The following SYNE1 variants were observed in gnomAD, a reference collection of about 807,000 sequenced individuals.
The protein encoded by SYNE1 is spectrin repeat containing nuclear envelope protein 1, also known as nesprin-1.
SYNE1 carries 616 observed loss-of-function variants against 1,111.0 expected under a neutral mutation model. That is an observed-to-expected ratio of 0.55 (90% confidence interval 0.52 to 0.59). The LOEUF (loss-of-function observed/expected upper bound fraction) is 0.59. SYNE1 is among the 20% of genes least tolerant of loss of function. SYNE1 has a pLI of 0.00. For missense variants in SYNE1, 10,006 were observed against 10,417.0 expected (o/e 0.96, Z 1.72); for synonymous variants, 3,855 against 3,825.8 (o/e 1.01, Z -0.28).
At chr6:152,179,649 C>T (rs2067384913) in intron 129 of SYNE1, among the ~76,000 whole-genome samples, 3 of 81,144 alleles carry the variant, frequency 3.7e-5, no homozygotes, top group Non-Finnish European at 4.8e-5. Flanking sequence ...CCTTTTTATG[C>T]AAGTTTATTT....
At chr6:152,597,492 C>T (rs1445640292) in intron 3 of SYNE1, among the ~76,000 whole-genome samples, 1 of 151,970 alleles carries the variant, frequency 6.6e-6, no homozygotes, top group Non-Finnish European at 1.5e-5. Context: ...TCACTATGTT[C>T]CCCAGGCTGG....
intron 100 of SYNE1, among the ~76,000 whole-genome samples, chr6:152,265,648 C>T (rs944666624): frequency 9.9e-5 from 15 of 152,258 alleles, no homozygotes; most frequent in African/African-American, 2.4e-4. Flanking sequence ...CATTGACACA[C>T]GTACAACACC....
chr6:152,139,922 C>A, intron 140 of SYNE1, 28 bp downstream of exon 140: 2 of 1,602,460 alleles, frequency 1.2e-6, no homozygotes, highest in Non-Finnish European at 1.7e-6. Context: ...TCTGTTTGTC[C>A]GCCGTGGGAA....
In SYNE1 at chr6:152,510,376, T is replaced by C; in HGVS notation, c.403-5A>G. 6.2e-7 allele frequency: 1 copy of C among 1,613,722 alleles called. No homozygotes were observed. The highest frequency in any genetic ancestry group is 2.2e-5 in the East Asian group (1 of 44,856). On this transcript the variant is annotated splice_region_variant and splice_polypyrimidine_tract_variant and intron_variant, in intron 7 of 145. Transcript: ENST00000367255. ...GTTGCTGGTCAACTCTTCAATCTGT[T>C]TGTGAGTTAACAGCCAGCAAAAATA...
At chr6:152,261,885 G>T in intron 101 of SYNE1, 147 bp downstream of exon 101, 1 of 574,498 alleles carries the variant, frequency 1.7e-6, no homozygotes, top group Non-Finnish European at 2.9e-6. Flanking sequence ...AAATAGACTT[G>T]TTAAGAAAAA....
At chr6:152,184,629 TATATAG>T in intron 128 of SYNE1, among the ~76,000 whole-genome samples, 1 of 130,978 alleles carries the variant, frequency 7.6e-6, no homozygotes, top group African/African-American at 2.7e-5. Flanking sequence ...ATTATACACA[TATATAG>T]ATAGATAGAT....
intron 29 of SYNE1, 105 bp from the exon 30 acceptor site, chr6:152,444,683 T>C: frequency 4.8e-6 from 5 of 1,037,680 alleles, no homozygotes; most frequent in Non-Finnish European, 7.0e-6. Flanking sequence ...TTGTACATAT[T>C]TAAGGTGTAC....
chr6:152,278,444 C>T, intron 97 of SYNE1, among the ~76,000 whole-genome samples, 164 bp from the exon 98 acceptor site: 1 of 150,960 alleles, frequency 6.6e-6, no homozygotes, highest in East Asian at 1.9e-4. Flanking sequence ...AGTCTGTAGG[C>T]TTTTTTTTTA....
In SYNE1 at chr6:152,215,019, G is replaced by T. The variant is rs886042398; in HGVS notation, c.22233C>A (p.Asp7411Glu). The T allele has an allele frequency of 6.2e-7, 1 of 1,614,088 alleles. No individual in the cohort carries two copies. The highest frequency in any genetic ancestry group is 1.7e-5 in the Admixed American group (1 of 60,024). ...LKFSSMAPDL[D>E]RLNELGYRLP... ...ACCTATATCCAAGCTCATTTAGACG[G>T]TCTAAATCTGGAGCCATGCTGCTGA... The change falls in exon 122 of 146, where the codon GAC becomes GAA. Residue 7411 changes from aspartate (D) to glutamate (E), a missense_variant. Physicochemically the swap from Asp to Glu is conservative, Grantham distance 45 (BLOSUM62 2). Around this residue, in one of 7 missense-constraint regions of SYNE1, gnomAD observed 2,182 missense variants for 2,287.8 expected, o/e 0.95. Coordinates refer to ENST00000367255, the MANE Select transcript of SYNE1 (RefSeq NM_182961.4).
intron 128 of SYNE1, among the ~76,000 whole-genome samples, chr6:152,187,748 G>A (rs539174468): frequency 5.3e-5 from 8 of 151,038 alleles, no homozygotes; most frequent in African/African-American, 2.0e-4. Context: ...AGAGAGAGAT[G>A]GAGTTACGCT....
At chr6:152,280,051 AAC>A (rs1459222260) in intron 97 of SYNE1, among the ~76,000 whole-genome samples, 22 of 152,230 alleles carry the variant, frequency 1.4e-4, no homozygotes, top group African/African-American at 5.3e-4. Context: ...TAAAACTGAA[AAC>A]ATAATTTTTA....
At chr6:152,358,589 C>A (rs369300377) in intron 65 of SYNE1, 52 bp from the exon 66 acceptor site, 2 of 1,579,378 alleles carry the variant, frequency 1.3e-6, no homozygotes, top group Non-Finnish European at 1.7e-6. Flanking sequence ...CTTTATAAAG[C>A]ATCAGTGTGC....
intron 95 of SYNE1, among the ~76,000 whole-genome samples, chr6:152,288,301 C>G (rs1349841456): frequency 6.6e-6 from 1 of 152,244 alleles, no homozygotes; most frequent in African/African-American, 2.4e-5. Flanking sequence ...TCCTCAAAGT[C>G]CTTGTTAGAT....
intron 77 of SYNE1, 110 bp from the exon 78 acceptor site, chr6:152,332,000 TG>T (rs1481716176): frequency 3.3e-6 from 5 of 1,506,254 alleles, no homozygotes. Flanking sequence ...GACTGAGTTT[TG>T]CTCTTGTTTC....
Position 152,455,430 on chromosome 6 carries a change from T to G in SYNE1, c.2888A>C (p.His963Pro). ...TCCCCTAAAGGGTGGACTCACAGTG[T>G]GTCTCCGCAGGAGCTCCTCTGGATC... ...KGDPEELLRR[H>P]TEFFSQLDQR... is the part of the protein sequence containing the mutation. The change falls in exon 24 of 146, where the codon CAC becomes CCC. Residue 963 changes from histidine (H) to proline (P), a missense_variant. Transcript: ENST00000367255. 1 of 1,613,846 alleles carries G rather than the reference T, an allele frequency of 6.2e-7. No individual in the cohort carries two copies. The highest frequency in any genetic ancestry group is 1.1e-5 in the South Asian group (1 of 91,036).
intron 4 of SYNE1, among the ~76,000 whole-genome samples, chr6:152,534,161 AAAATAAAT>A (rs1215416255): frequency 6.7e-6 from 1 of 149,594 alleles, no homozygotes; most frequent in African/African-American, 2.5e-5. Flanking sequence ...CTGTCTCAAA[AAAATAAAT>A]AAATGAATGA....
At chr6:152,377,640 A>AATATATATATAT (rs1369932106) in intron 56 of SYNE1, among the ~76,000 whole-genome samples, 48 of 33,838 alleles carry the variant, frequency 1.4e-3, no homozygotes, top group East Asian at 6.8e-3. Flanking sequence ...AAAAAAAAAA[A>AATATATATATAT]ATATATATAT....
chr6:152,376,618 T>C, intron 57 of SYNE1, 60 bp from the exon 58 acceptor site: 3 of 1,597,724 alleles, frequency 1.9e-6, no homozygotes, highest in East Asian at 2.3e-5. Context: ...ATGAAAATCA[T>C]GTTTGATAGA....
chr6:152,217,419 T>A lies in SYNE1; in HGVS notation c.22191+838A>T, dbSNP rs936691225. Among the ~76,000 whole-genome samples the A allele has an allele frequency of 1.8e-3, 247 of 140,786 alleles. 1 individual carries two copies. Among genetic ancestry groups the A allele is most frequent in the African/African-American group, 6.2e-3 (230 of 37,284 alleles). 92.4% of individuals were successfully genotyped at this position (140,786 alleles called of 152,430 possible). A position where few individuals can be genotyped will look rare whatever the true frequency, so the allele number is the denominator to read the frequency against. ...ACAAAAAAAAAAAAAGAAAAAAAAA[T>A]TATTAAATTATTTTTGATGGACAAA... On this transcript the variant is annotated intron_variant, in intron 121 of 145. Coordinates refer to ENST00000367255, the MANE Select transcript of SYNE1 (RefSeq NM_182961.4).
Sources: allele counts gnomAD v4.1 joint callset (sites outside exome capture counted in the v4.1 genomes callset), GRCh38; gene constraint gnomAD v4.1.1; regional missense constraint gnomAD v4.1.1; transcripts MANE v1.5; gene names NCBI Gene and HGNC (gene_info 2026-07-23, HGNC 2026-07-21).